Variants in CACNA1E observed in about 807,000 individuals in gnomAD.
The protein encoded by CACNA1E is calcium voltage-gated channel subunit alpha1 E.
CACNA1E carries 40 observed loss-of-function variants against 259.2 expected under a neutral mutation model. That is an observed-to-expected ratio of 0.15 (90% CI 0.12 to 0.20). The LOEUF is 0.20. Among genes scored for constraint, CACNA1E ranks in the 10% least tolerant of loss-of-function variants. The probability of loss-of-function intolerance (pLI) is 1.00; values close to 1 mark genes in which losing one functional copy is unlikely to be tolerated. For synonymous variants in CACNA1E, 1,104 were observed against 1,138.5 expected (o/e 0.97, Z 0.61); for missense variants, 1,874 against 3,040.1 (o/e 0.62, Z 9.02).
intron 7 of CACNA1E, among the ~76,000 whole-genome samples, chr1:181,697,433 C>T (rs1651818713): frequency 6.6e-6 from 1 of 152,190 alleles, no homozygotes; most frequent in Non-Finnish European, 1.5e-5. Flanking sequence ...GCAGATAGTG[C>T]TTACAAACTT....
At chr1:181,474,292 A>AT (rs1458716663) in intron 2 of CACNA1E, among the ~76,000 whole-genome samples, 1 of 152,236 alleles carries the variant, frequency 6.6e-6, no homozygotes, top group African/African-American at 2.4e-5. Context: ...TCTTGAGTGC[A>AT]TGTATATGTG....
intron 6 of CACNA1E, among the ~76,000 whole-genome samples, chr1:181,644,077 C>T (rs1658046291): frequency 6.6e-6 from 1 of 152,190 alleles, no homozygotes; most frequent in African/African-American, 2.4e-5. Context: ...CCCCTGCTCC[C>T]CAACCTTTGC....
At chr1:181,463,599 C>A (rs1270936237) in intron 2 of CACNA1E, among the ~76,000 whole-genome samples, 1 of 152,060 alleles carries the variant, frequency 6.6e-6, no homozygotes, top group Non-Finnish European at 1.5e-5. Flanking sequence ...GTTTGTTGGC[C>A]ATTTGGATTT....
At chr1:181,779,779 T>C (rs750021898) in intron 38 of CACNA1E, among the ~76,000 whole-genome samples, 6 of 151,158 alleles carry the variant, frequency 4.0e-5, no homozygotes, top group African/African-American at 1.5e-4. Context: ...GATCGCTCTC[T>C]TCACATGCAC....
chr1:181,390,919 T>C (rs1417901322), intron 1 of CACNA1E, among the ~76,000 whole-genome samples: 1 of 152,164 alleles, frequency 6.6e-6, no homozygotes. Flanking sequence ...AAGGAGGAGA[T>C]GATTGATGTG....
chr1:181,567,430 A>G (rs971420580), intron 3 of CACNA1E, among the ~76,000 whole-genome samples: 2 of 152,192 alleles, frequency 1.3e-5, no homozygotes, highest in East Asian at 1.9e-4. Context: ...GTATTGAGCA[A>G]TATACCCCAC....
At chr1:181,704,304 A>G (rs1652572928) in intron 7 of CACNA1E, among the ~76,000 whole-genome samples, 1 of 152,218 alleles carries the variant, frequency 6.6e-6, no homozygotes, top group Non-Finnish European at 1.5e-5. Context: ...CTGAAAATAT[A>G]GAAACATTGA....
intron 34 of CACNA1E, among the ~76,000 whole-genome samples, chr1:181,765,459 C>T (rs527889051): frequency 6.6e-6 from 1 of 152,302 alleles, no homozygotes; most frequent in African/African-American, 2.4e-5. Flanking sequence ...AGTCAACCCC[C>T]ATCACAGAGC....
At position 181,719,787 on chromosome 1, in the gene CACNA1E, A is replaced by C; in HGVS notation, c.1675A>C (p.Ile559Leu). The C allele has an allele frequency of 6.2e-7, 1 of 1,605,516 alleles. No individual in the cohort carries two copies. Residue 559 changes from isoleucine (I) to leucine (L), a missense_variant, in exon 13 of 48, where the codon ATC (isoleucine) becomes CTC (leucine). Physicochemically the swap from Ile to Leu is conservative, Grantham distance 5 (BLOSUM62 2). This residue lies in a region of CACNA1E where 102 missense variants were observed against 279.4 expected (regional missense o/e 0.37). Transcript: ENST00000367573. ...CAGTATCTTTGAAGTGGTCTGGGCA[A>C]TCTTCAGACCTGGTACGTCTTTTGG... is the stretch of plus-strand genomic sequence containing the variant. ...VGSIFEVVWA[I>L]FRPGTSFGIS... is the part of the protein sequence containing the mutation.
chr1:181,349,087 G>A (rs900732886), intron 1 of CACNA1E, among the ~76,000 whole-genome samples: 1 of 152,028 alleles, frequency 6.6e-6, no homozygotes, highest in Admixed American at 6.6e-5. Flanking sequence ...GGAGCTCTTG[G>A]GGACCCACGG....
rs1050707576 is a variant in CACNA1E, at chr1:181,804,859, A to C, written c.*6025A>C. On this transcript the variant is annotated 3_prime_UTR_variant, in exon 48 of 48. Coordinates refer to ENST00000367573, the MANE Select transcript of CACNA1E (RefSeq NM_001205293.3). ...TTCCTGTTTAATGGAATCTGAATCC[A>C]AGATTTGCTTTAATTTCACTCTATT... 6.6e-6 allele frequency: 1 copy of C among 151,522 alleles called. No homozygotes were observed. The highest frequency in any genetic ancestry group is 1.5e-5 in the Non-Finnish European group (1 of 67,868). 9.4% of individuals were successfully genotyped at this position (151,522 alleles called of 1,614,324 possible). A position where few individuals can be genotyped will look rare whatever the true frequency, so the allele number is the denominator to read the frequency against.
At chr1:181,580,959 G>A (rs776722354) in intron 6 of CACNA1E, among the ~76,000 whole-genome samples, 183 bp downstream of exon 6, 3 of 152,224 alleles carry the variant, frequency 2.0e-5, no homozygotes, top group Non-Finnish European at 4.4e-5. Context: ...TGTCTGGCCT[G>A]TTGCTACGTA....
intron 43 of CACNA1E, among the ~76,000 whole-genome samples, chr1:181,787,301 G>A (rs941366974): frequency 1.5e-4 from 23 of 151,990 alleles, no homozygotes; most frequent in African/African-American, 4.8e-4. Context: ...TAGTAGAGAC[G>A]GGGTTTCACC....
chr1:181,395,675 G>A (rs1656631866), intron 1 of CACNA1E, among the ~76,000 whole-genome samples: 1 of 152,190 alleles, frequency 6.6e-6, no homozygotes, highest in East Asian at 1.9e-4. Context: ...AAGAGCAGCT[G>A]GGGTTAAGAG....
At chr1:181,573,220 C>T (rs59476715) in intron 3 of CACNA1E, among the ~76,000 whole-genome samples, 13,636 of 152,240 alleles carry the variant, frequency 0.09, 704 homozygotes, top group South Asian at 0.22. Flanking sequence ...TGACAGCAAG[C>T]ACCTTGTATT....
intron 1 of CACNA1E, among the ~76,000 whole-genome samples, chr1:181,492,242 C>A (rs1664380178): frequency 2.6e-5 from 4 of 152,128 alleles, no homozygotes; most frequent in South Asian, 4.1e-4. Flanking sequence ...GTAATGGTGA[C>A]CCCCTAGGTA....
intron 1 of CACNA1E, among the ~76,000 whole-genome samples, chr1:181,362,772 G>A (rs1304182763): frequency 6.6e-6 from 1 of 152,168 alleles, no homozygotes; most frequent in Non-Finnish European, 1.5e-5. Flanking sequence ...ATCAAGGAAG[G>A]GAAACGGGGG....
chr1:181,423,504 A>G (rs1363866731), intron 2 of CACNA1E, among the ~76,000 whole-genome samples: 1 of 152,136 alleles, frequency 6.6e-6, no homozygotes, highest in African/African-American at 2.4e-5. Context: ...CTTCTGTCTC[A>G]TGTGCCCTGC....
At chr1:181,556,277 A>G (rs1042537618) in intron 3 of CACNA1E, among the ~76,000 whole-genome samples, 1 of 152,176 alleles carries the variant, frequency 6.6e-6, no homozygotes, top group South Asian at 2.1e-4. Context: ...CACCTTGGTG[A>G]GGGGTTTACA....
Sources: gnomAD v4.1 joint callset for allele counts (sites outside exome capture counted in the v4.1 genomes callset) on GRCh38, gnomAD v4.1.1 for gene constraint, gnomAD v4.1.1 regional missense constraint, MANE v1.5 for transcripts, NCBI Gene and HGNC (gene_info 2026-07-23, HGNC 2026-07-21) for gene names.